The following NXN variants were observed in gnomAD, a reference collection of about 807,000 sequenced individuals.
The protein encoded by NXN is nucleoredoxin 1.
A neutral mutation model predicts 48.6 loss-of-function variants in NXN; 16 were observed. The ratio of observed to expected loss-of-function variants is 0.33; its 90% CI spans 0.22 to 0.50. The LOEUF is 0.50. NXN is among the 20% of genes least tolerant of loss of function. NXN has a pLI of 0.98. For missense variants in NXN, 492 were observed against 605.5 expected, an observed-to-expected ratio of 0.81 and a Z score of 1.97; for synonymous variants, 281 against 269.6, an observed-to-expected ratio of 1.04 and a Z score of -0.41.
intron 5 of NXN, among the ~76,000 whole-genome samples, chr17:808,929 G>A (rs575898872): frequency 5.3e-5 from 8 of 152,070 alleles, no homozygotes; most frequent in Admixed American, 1.3e-4. Context: ...TGCCCGCCTC[G>A]GCCTCCCAAA....
At position 803,687 on chromosome 17, in the gene NXN, C is replaced by G; in HGVS notation, c.1120G>C (p.Gly374Arg). ...EEAPLLFFVA[G>R]EDDMTDSLRD... is the part of the protein sequence containing the mutation. ...AGCCTCTCCTCCGCACTCACCTCCC[C>G]GGCTACGAAGAACAGAAGGGGTGCC... The change falls in exon 7 of 8, where the codon GGG becomes CGG. Residue 374 changes from glycine to arginine, a missense_variant. This residue lies in a region of NXN where 303 missense variants were observed against 388.3 expected (regional missense o/e 0.78). Coordinates refer to ENST00000336868, the MANE Select transcript of NXN (RefSeq NM_022463.5). 1.9e-6 allele frequency: 3 copies of G among 1,614,134 alleles called. No homozygotes were observed. Among genetic ancestry groups the G allele is most frequent in the Non-Finnish European group, 2.5e-6 (3 of 1,180,016 alleles).
At chr17:818,135 C>T (rs939834050) in intron 5 of NXN, among the ~76,000 whole-genome samples, 1 of 151,938 alleles carries the variant, frequency 6.6e-6, no homozygotes, top group Non-Finnish European at 1.5e-5. Flanking sequence ...GTGGTGTGCA[C>T]CTGTAGTCCC....
chr17:823,665 C>G lies in NXN; in HGVS notation c.579G>C (p.Gly193=). 6.2e-7 allele frequency: 1 copy of G among 1,614,142 alleles called. No individual in the cohort carries two copies. Among genetic ancestry groups the G allele is most frequent in the Non-Finnish European group, 8.5e-7 (1 of 1,180,028 alleles). The part of the protein sequence containing the change: ...GQSLESSSLE[G]SHVGVYFSAH... The stretch of plus-strand genomic sequence containing the variant: ...CGGAGAAATAGACGCCCACGTGAGA[C>G]CCCTCCAGGCTGCTGCTCTCCAGAG... The change falls in exon 3 of 8, where the codon GGG becomes GGC. Residue 193 remains glycine, a synonymous_variant. Transcript: ENST00000336868.
At position 978,940 on chromosome 17, in the gene NXN, G is replaced by GGAA. The variant is rs1190895670; in HGVS notation, c.360+378_360+379insTTC. On this transcript the variant is annotated intron_variant, in intron 1 of 7. Transcript: ENST00000336868. This position sits in a 1 kb window ranked among gnomAD's most constrained non-coding sequence, Gnocchi z 4.1. ...TCGCGGGTGAAGGGGTCGCGGAACCGGGATCCCCGAGCGCAGCCGCCCCCA... is the reference window on the plus strand; with the variant it reads ...TCGCGGGTGAAGGGGTCGCGGAACCGGAAGGATCCCCGAGCGCAGCCGCCCCCA... 6.6e-6 allele frequency among the ~76,000 whole-genome samples: 1 copy of GGAA among 151,052 alleles called. No homozygotes were observed. The highest frequency in any genetic ancestry group is 1.5e-5 in the Non-Finnish European group (1 of 67,620).
At chr17:947,066 C>A (rs977182613) in intron 1 of NXN, among the ~76,000 whole-genome samples, 7 of 152,182 alleles carry the variant, frequency 4.6e-5, no homozygotes, top group African/African-American at 1.7e-4. Context: ...CAGGGCCCAG[C>A]ACGGGCCCCC....
intron 1 of NXN, chr17:896,856 C>CGGGGGGCGGCG: frequency 8.6e-7 from 1 of 1,156,932 alleles, no homozygotes; most frequent in Non-Finnish European, 1.1e-6. Context: ...CGGTCCTGAC[C>CGGGGGGCGGCG]ACCCGCCCCC....
At chr17:928,847 A>C (rs1333909697) in intron 1 of NXN, among the ~76,000 whole-genome samples, 4 of 152,136 alleles carry the variant, frequency 2.6e-5, no homozygotes, top group Admixed American at 2.6e-4. Flanking sequence ...AAAAATAATT[A>C]AGGAAATAAA....
chr17:848,160 C>T (rs900632029), intron 1 of NXN, among the ~76,000 whole-genome samples: 7 of 151,084 alleles, frequency 4.6e-5, no homozygotes, highest in Admixed American at 6.6e-5. Context: ...TTTTTTGAGA[C>T]GGAGTCCTGC....
At chr17:913,890 T>G (rs1366738598) in intron 1 of NXN, among the ~76,000 whole-genome samples, 1 of 152,138 alleles carries the variant, frequency 6.6e-6, no homozygotes, top group African/African-American at 2.4e-5. Flanking sequence ...AGATTTTTAT[T>G]TTATTATTTA....
chr17:839,049 A>C (rs979036712), intron 1 of NXN, among the ~76,000 whole-genome samples: 23 of 152,186 alleles, frequency 1.5e-4, no homozygotes, highest in African/African-American at 5.1e-4. Flanking sequence ...TTTCCTCATG[A>C]GTAAAATGAG....
chr17:937,832 C>T (rs942659922), intron 1 of NXN, among the ~76,000 whole-genome samples: 2 of 152,222 alleles, frequency 1.3e-5, no homozygotes, highest in African/African-American at 2.4e-5. Flanking sequence ...AAATGTCTTT[C>T]GTTTCAGTTT....
At chr17:811,919 G>GGT (rs1567811795) in intron 5 of NXN, among the ~76,000 whole-genome samples, 2 of 125,602 alleles carry the variant, frequency 1.6e-5, no homozygotes, top group African/African-American at 6.3e-5. Flanking sequence ...ACCCAGTTCT[G>GGT]CTTTTTTTTT....
At chr17:908,305 A>C (rs554672518) in intron 1 of NXN, among the ~76,000 whole-genome samples, 1 of 152,218 alleles carries the variant, frequency 6.6e-6, no homozygotes, top group African/African-American at 2.4e-5. Context: ...TGGGAGGCTG[A>C]GGCAGGCGGA....
At chr17:915,724 C>G (rs923129591) in intron 1 of NXN, among the ~76,000 whole-genome samples, 7 of 151,198 alleles carry the variant, frequency 4.6e-5, no homozygotes, top group Admixed American at 4.6e-4. Context: ...ACCAAGAAGG[C>G]AGAGACCAGT....
At chr17:939,218 AT>A (rs1164062938) in intron 1 of NXN, among the ~76,000 whole-genome samples, 2 of 152,202 alleles carry the variant, frequency 1.3e-5, no homozygotes, top group African/African-American at 4.8e-5. Flanking sequence ...AGCGCTGGTT[AT>A]TCCAGCAAAA....
At position 932,936 on chromosome 17, in the gene NXN, C is replaced by CTG. The variant is rs2068869821; in HGVS notation, c.360+46382_360+46383insCA. Among the ~76,000 whole-genome samples, 1 of 140,668 alleles carries CTG rather than the reference C, an allele frequency of 7.1e-6. No homozygotes were observed. The highest frequency in any genetic ancestry group is 2.3e-4 in the East Asian group (1 of 4,336). 92.3% of individuals were successfully genotyped at this position (140,668 alleles called of 152,430 possible). A position where few individuals can be genotyped will look rare whatever the true frequency, so the allele number is the denominator to read the frequency against. ...GTACTGGGATTCCAGGCGTGAGCCA[C>CTG]CGCGCCCAGCCCAGCCCGTCCTCTT... On this transcript the variant is annotated intron_variant, in intron 1 of 7. Coordinates refer to ENST00000336868, the MANE Select transcript of NXN (RefSeq NM_022463.5). This position sits in a 1 kb window ranked among gnomAD's most constrained non-coding sequence, Gnocchi z 4.1.
At chr17:847,980 GTC>G (rs1328837747) in intron 1 of NXN, among the ~76,000 whole-genome samples, 1 of 151,972 alleles carries the variant, frequency 6.6e-6, no homozygotes, top group Non-Finnish European at 1.5e-5. Flanking sequence ...ATCAATTCTC[GTC>G]TCTCTTTCTG....
intron 1 of NXN, among the ~76,000 whole-genome samples, chr17:828,011 T>C (rs1270509490): frequency 6.6e-6 from 1 of 152,208 alleles, no homozygotes; most frequent in Admixed American, 6.5e-5. Context: ...CTGCTTTCAA[T>C]CTGCATGTTT....
chr17:890,441 T>C (rs1015446335), intron 1 of NXN, among the ~76,000 whole-genome samples: 3 of 152,028 alleles, frequency 2.0e-5, no homozygotes, highest in Admixed American at 6.6e-5. Context: ...TGACACAATC[T>C]CGGTTCACTG....
Sources: gnomAD v4.1 joint callset for allele counts (sites outside exome capture counted in the v4.1 genomes callset) on GRCh38, gnomAD v4.1.1 for gene constraint, gnomAD v4.1.1 regional missense constraint, Gnocchi (gnomAD v3.1) non-coding constraint, MANE v1.5 for transcripts, NCBI Gene and HGNC (gene_info 2026-07-23, HGNC 2026-07-21) for gene names.